FREM1: variants seen among roughly 807,000 people sequenced by gnomAD.
The protein encoded by FREM1 is FRAS1 related extracellular matrix 1, also known as FRAS1-related extracellular matrix protein 1.
In FREM1, 220 loss-of-function variants were observed where a neutral mutation model predicts 210.1. The observed-to-expected ratio is 1.05, with a 90% CI of 0.94 to 1.17. FREM1 has a LOEUF of 1.17. FREM1 is among the 50% of genes most tolerant of loss of function. FREM1 has a pLI of 0.00. For missense variants in FREM1, 3,454 were observed against 2,675.5 expected (o/e 1.29, Z -6.42); for synonymous variants, 1,189 against 980.2 (o/e 1.21, Z -3.98).
intron 27 of FREM1, among the ~76,000 whole-genome samples, chr9:14,767,697 C>G (rs1846689386): frequency 6.6e-6 from 1 of 152,060 alleles, no homozygotes; most frequent in Non-Finnish European, 1.5e-5. Flanking sequence ...GCACCTAGTT[C>G]CAATAACATC....
At chr9:14,892,858 C>T (rs9776136) in intron 1 of FREM1, among the ~76,000 whole-genome samples, 19,135 of 152,080 alleles carry the variant, frequency 0.13, 1,516 homozygotes, top group East Asian at 0.44. Flanking sequence ...TTCCTTTTCC[C>T]GTCTTTACTA....
At chr9:14,846,509 C>T (rs909678463) in intron 7 of FREM1, among the ~76,000 whole-genome samples, 3 of 152,026 alleles carry the variant, frequency 2.0e-5, no homozygotes, top group African/African-American at 7.3e-5. Context: ...CACATATACC[C>T]CAGAACTTAA....
intron 5 of FREM1, 23 bp downstream of exon 5, chr9:14,857,530 C>A: frequency 1.9e-6 from 3 of 1,592,956 alleles, no homozygotes; most frequent in Non-Finnish European, 2.6e-6. Context: ...CTGGGGGCAC[C>A]CACACATAAC....
chr9:14,824,409 C>T (rs958092174), intron 11 of FREM1, among the ~76,000 whole-genome samples: 3 of 152,120 alleles, frequency 2.0e-5, no homozygotes, highest in African/African-American at 7.2e-5. Flanking sequence ...ACTAGCATAA[C>T]GTATATTCAT....
chr9:14,832,469 G>A (rs1313441982), intron 10 of FREM1, among the ~76,000 whole-genome samples: 2 of 152,128 alleles, frequency 1.3e-5, no homozygotes, highest in African/African-American at 2.4e-5. Context: ...GAAAAAATAG[G>A]GAAGGCAAAG....
At chr9:14,823,883 A>C in intron 12 of FREM1, 142 bp downstream of exon 12, 1 of 470,988 alleles carries the variant, frequency 2.1e-6, no homozygotes. Flanking sequence ...CACTTAATGG[A>C]AACATACAAG....
At chr9:14,821,920 C>T (rs950207271) in intron 13 of FREM1, among the ~76,000 whole-genome samples, 1 of 152,176 alleles carries the variant, frequency 6.6e-6, no homozygotes, top group Non-Finnish European at 1.5e-5. Context: ...GACCTCTTCA[C>T]GTGGTTTGGC....
intron 24 of FREM1, chr9:14,779,322 G>T: frequency 4.9e-6 from 1 of 204,424 alleles, no homozygotes; most frequent in Non-Finnish European, 8.6e-6. Flanking sequence ...TAAGCCAAAG[G>T]ACGTGTATTT....
intron 26 of FREM1, 61 bp from the exon 27 acceptor site, chr9:14,769,929 T>C (rs1178711262): frequency 2.5e-6 from 2 of 797,536 alleles, no homozygotes; most frequent in Admixed American, 6.1e-5. Context: ...TAAAAGCTAA[T>C]AAAATTGTAT....
At chr9:14,844,141 T>C (rs1045755470) in intron 8 of FREM1, among the ~76,000 whole-genome samples, 4 of 152,144 alleles carry the variant, frequency 2.6e-5, no homozygotes, top group Non-Finnish European at 2.9e-5. Flanking sequence ...AGACCATCAA[T>C]GCATTATGGT....
In FREM1 at chr9:14,910,360, T is replaced by G. The variant is rs1002777128; in HGVS notation, c.-714A>C. Reference sequence around the variant, plus strand: ...GGTCCGCAGGGACAAAACTGAGCTTTTGTTAATGAGGTCGGTTGCCTCTTC... The same window carrying G: ...GGTCCGCAGGGACAAAACTGAGCTTGTGTTAATGAGGTCGGTTGCCTCTTC... On this transcript the variant is annotated 5_prime_UTR_variant, in exon 1 of 37. Transcript: ENST00000380880. The G allele has an allele frequency of 2.6e-5, 4 of 152,320 alleles. No individual in the cohort carries two copies. Among genetic ancestry groups the G allele is most frequent in the African/African-American group, 9.7e-5 (4 of 41,446 alleles). The allele number at this position is 152,320 out of a possible 1,614,324, so 9.4% of individuals were successfully genotyped here.
intron 10 of FREM1, among the ~76,000 whole-genome samples, chr9:14,833,171 C>G (rs1823899877): frequency 1.3e-5 from 2 of 152,116 alleles, no homozygotes; most frequent in Admixed American, 1.3e-4. Flanking sequence ...GCCAGCCGAT[C>G]CATCAAGGGC....
chr9:14,904,411 T>C (rs1817327956), intron 1 of FREM1, among the ~76,000 whole-genome samples: 1 of 152,220 alleles, frequency 6.6e-6, no homozygotes, highest in South Asian at 2.1e-4. Context: ...ACAGCTTTGA[T>C]AATCAGAGCC....
At chr9:14,757,605 A>T (rs902084735) in intron 28 of FREM1, among the ~76,000 whole-genome samples, 3 of 152,176 alleles carry the variant, frequency 2.0e-5, no homozygotes, top group African/African-American at 7.2e-5. Context: ...AAGTCATCAA[A>T]TGAGAACCGT....
intron 3 of FREM1, among the ~76,000 whole-genome samples, chr9:14,862,966 T>C (rs1250190086): frequency 1.3e-5 from 2 of 152,156 alleles, no homozygotes; most frequent in Non-Finnish European, 2.9e-5. Flanking sequence ...AAACATAAGT[T>C]TTCATTTTTC....
chr9:14,846,005 G>A lies in FREM1; in HGVS notation c.1348C>T (p.Leu450=). ...VDNDDIGAVR[L]VTVGGLQHGW... is the part of the protein sequence containing the mutation. ...TGCTGCAGGCCACCAACGGTGACTAGCCGGACAGCACCAATGTCGTCATTG... is the reference window on the plus strand; with the variant it reads ...TGCTGCAGGCCACCAACGGTGACTAACCGGACAGCACCAATGTCGTCATTG... Residue 450 remains leucine (L), a synonymous_variant, in exon 8 of 37, where the codon CTA becomes TTA. Transcript: ENST00000380880. 6.2e-7 allele frequency: 1 copy of A among 1,613,194 alleles called. No homozygotes were observed. The highest frequency in any genetic ancestry group is 8.5e-7 in the Non-Finnish European group (1 of 1,179,570).
intron 1 of FREM1, among the ~76,000 whole-genome samples, chr9:14,899,546 G>A (rs1838397342): frequency 6.6e-6 from 1 of 152,182 alleles, no homozygotes; most frequent in Non-Finnish European, 1.5e-5. Context: ...AAAAATATGT[G>A]CAGGAGGATA....
chr9:14,843,530 G>C (rs550831660), intron 8 of FREM1, among the ~76,000 whole-genome samples: 1 of 152,030 alleles, frequency 6.6e-6, no homozygotes, highest in Non-Finnish European at 1.5e-5. Context: ...TAGGCAGATA[G>C]ATACATACAT....
chr9:14,766,729 T>C (rs1846484507), intron 27 of FREM1, among the ~76,000 whole-genome samples: 1 of 152,186 alleles, frequency 6.6e-6, no homozygotes, highest in Non-Finnish European at 1.5e-5. Context: ...CCGCAGTCCC[T>C]TGAGCTTTAT....
Sources: allele counts gnomAD v4.1 joint callset (sites outside exome capture counted in the v4.1 genomes callset), GRCh38; gene constraint gnomAD v4.1.1; transcripts MANE v1.5; gene names NCBI Gene and HGNC (gene_info 2026-07-23, HGNC 2026-07-21).